ERBB4: variants seen among roughly 807,000 people sequenced by gnomAD.
The protein encoded by ERBB4 is erb-b2 receptor tyrosine kinase 4, also known as receptor tyrosine-protein kinase erbB-4.
In ERBB4, 42 loss-of-function variants were observed where a neutral mutation model predicts 158.0. The ratio of observed to expected loss-of-function variants is 0.27; its 90% CI spans 0.21 to 0.34. ERBB4 has a LOEUF of 0.34. Ranked by LOEUF, ERBB4 falls within the 10% of genes least tolerant of loss-of-function variation. The probability of loss-of-function intolerance (pLI) is 1.00; values close to 1 mark genes in which losing one functional copy is unlikely to be tolerated. For synonymous variants in ERBB4, 583 were observed against 558.7 expected (o/e 1.04, Z -0.61); for missense variants, 1,333 against 1,624.1 (o/e 0.82, Z 3.08).
intron 20 of ERBB4, among the ~76,000 whole-genome samples, chr2:211,438,418 G>C (rs56677591): frequency 0.25 from 38,672 of 151,996 alleles, 5,169 homozygotes; most frequent in Admixed American, 0.32. Flanking sequence ...TGGCTACTTA[G>C]TAGCTATGTG....
intron 1 of ERBB4, 149 bp downstream of exon 1, chr2:212,538,300 A>T (rs1018253676): frequency 5.4e-6 from 4 of 741,988 alleles, no homozygotes; most frequent in Non-Finnish European, 9.8e-6. Context: ...TTCAAATGGA[A>T]AGAGGGGTGA....
chr2:212,324,850 T>C (rs78204276), intron 1 of ERBB4, among the ~76,000 whole-genome samples: 5,382 of 134,698 alleles, frequency 0.04, 365 homozygotes, highest in African/African-American at 0.13. Flanking sequence ...TAGGGAGATA[T>C]CCAATTCCTA....
chr2:211,692,381 A>C (rs1039717071), intron 12 of ERBB4, among the ~76,000 whole-genome samples: 1 of 152,238 alleles, frequency 6.6e-6, no homozygotes, highest in Non-Finnish European at 1.5e-5. Context: ...TATATCACTA[A>C]AAGAATACTG....
At position 212,470,092 on chromosome 2, in the gene ERBB4, C is replaced by T. The variant is rs114926399; in HGVS notation, c.82+68357G>A. Among the ~76,000 whole-genome samples, 757 of 151,808 alleles carry T rather than the reference C, an allele frequency of 5.0e-3. 2 individuals are homozygous for T. The highest frequency in any genetic ancestry group is 7.0e-3 in the Admixed American group (107 of 15,246). On this transcript the variant is annotated intron_variant, in intron 1 of 27. Transcript: ENST00000342788. ...TCACAATATATTTTTTTTAAATGTC[C>T]GGTTTGTCTGTTATACACCTACAAG...
chr2:212,170,982 A>C (rs994160890), intron 1 of ERBB4, among the ~76,000 whole-genome samples: 1 of 152,102 alleles, frequency 6.6e-6, no homozygotes, highest in African/African-American at 2.4e-5. Context: ...TCCAGGCCCA[A>C]GAATGATAGA....
At chr2:212,111,545 C>G (rs1444818105) in intron 2 of ERBB4, among the ~76,000 whole-genome samples, 1 of 152,024 alleles carries the variant, frequency 6.6e-6, no homozygotes, top group Non-Finnish European at 1.5e-5. Context: ...TTTTTGCTTT[C>G]CTCCACATCT....
intron 1 of ERBB4, among the ~76,000 whole-genome samples, chr2:212,368,128 C>T (rs2089956408): frequency 6.6e-6 from 1 of 152,114 alleles, no homozygotes; most frequent in African/African-American, 2.4e-5. Flanking sequence ...TACTTGCACA[C>T]ACGTTTACAG....
chr2:211,479,244 C>G (rs2065027276), intron 20 of ERBB4, among the ~76,000 whole-genome samples: 1 of 152,112 alleles, frequency 6.6e-6, no homozygotes, highest in South Asian at 2.1e-4. Context: ...ACTCTGAAAA[C>G]CACTGCTCAA....
chr2:211,774,221 T>A (rs2106280749), intron 4 of ERBB4, among the ~76,000 whole-genome samples: 1 of 152,012 alleles, frequency 6.6e-6, no homozygotes, highest in Non-Finnish European at 1.5e-5. Context: ...TACTAGCACC[T>A]GCCATCATGC....
chr2:211,610,112 AG>A (rs2069137061), intron 19 of ERBB4, among the ~76,000 whole-genome samples: 3 of 152,146 alleles, frequency 2.0e-5, no homozygotes, highest in Admixed American at 2.0e-4. Context: ...TAAAAAAAAA[AG>A]ATGAAGAGAA....
intron 1 of ERBB4, among the ~76,000 whole-genome samples, chr2:212,529,170 T>C (rs74877409): frequency 0.015 from 2,278 of 152,278 alleles, 56 homozygotes; most frequent in African/African-American, 0.052. Flanking sequence ...GTTCCTAACA[T>C]GGTCCTGAAA....
intron 1 of ERBB4, among the ~76,000 whole-genome samples, chr2:212,400,692 T>C (rs977689367): frequency 6.6e-5 from 10 of 152,148 alleles, no homozygotes; most frequent in African/African-American, 1.9e-4. Context: ...GAGAGCAATA[T>C]TGAGCAAAGA....
intron 3 of ERBB4, among the ~76,000 whole-genome samples, chr2:211,907,649 C>A (rs73073372): frequency 0.13 from 20,314 of 151,374 alleles, 1,782 homozygotes; most frequent in African/African-American, 0.21. Flanking sequence ...GAGCTTCACT[C>A]TATCACAGTC....
At chr2:211,747,725 T>C (rs1315125215) in intron 5 of ERBB4, among the ~76,000 whole-genome samples, 1 of 152,094 alleles carries the variant, frequency 6.6e-6, no homozygotes. Flanking sequence ...ATACAACTTT[T>C]TTTTTTGCAT....
intron 2 of ERBB4, among the ~76,000 whole-genome samples, chr2:211,993,689 T>A (rs542584284): frequency 6.6e-6 from 1 of 151,820 alleles, no homozygotes; most frequent in East Asian, 1.9e-4. Context: ...AATATTGGTA[T>A]GACATTTTTG....
At chr2:211,447,497 G>A (rs2064141285) in intron 20 of ERBB4, among the ~76,000 whole-genome samples, 1 of 152,074 alleles carries the variant, frequency 6.6e-6, no homozygotes, top group African/African-American at 2.4e-5. Flanking sequence ...CAATATTCTA[G>A]TAGAAATGCC....
intron 20 of ERBB4, among the ~76,000 whole-genome samples, chr2:211,501,320 T>C (rs776851747): frequency 1.3e-5 from 2 of 151,860 alleles, no homozygotes; most frequent in Non-Finnish European, 2.9e-5. Context: ...ATTTATTGTA[T>C]ATTTCAAAAT....
At chr2:212,251,032 C>A (rs2084513249) in intron 1 of ERBB4, among the ~76,000 whole-genome samples, 1 of 151,894 alleles carries the variant, frequency 6.6e-6, no homozygotes, top group Admixed American at 6.6e-5. Flanking sequence ...ATCAAATAGT[C>A]TAGGGCTGGC....
At chr2:211,739,109 A>T (rs2074705102) in intron 5 of ERBB4, among the ~76,000 whole-genome samples, 1 of 152,214 alleles carries the variant, frequency 6.6e-6, no homozygotes, top group Non-Finnish European at 1.5e-5. Flanking sequence ...GTCTATCTAA[A>T]TATAGACTAT....
Sources: allele counts gnomAD v4.1 joint callset (sites outside exome capture counted in the v4.1 genomes callset), GRCh38; gene constraint gnomAD v4.1.1; transcripts MANE v1.5; gene names NCBI Gene and HGNC (gene_info 2026-07-23, HGNC 2026-07-21).